BANK1: variants seen among roughly 807,000 people sequenced by gnomAD.
BANK1 encodes the protein B cell scaffold protein with ankyrin repeats 1.
A neutral mutation model predicts 94.5 loss-of-function variants in BANK1; 95 were observed. The ratio of observed to expected loss-of-function variants is 1.00; its 90% CI spans 0.85 to 1.19. The LOEUF is 1.19. Ranked by LOEUF, BANK1 falls within the 50% of genes most tolerant of loss-of-function variation. The probability of loss-of-function intolerance (pLI) is 0.00; values close to 1 mark genes in which losing one functional copy is unlikely to be tolerated. For synonymous variants in BANK1, 334 were observed against 308.4 expected (o/e 1.08, Z -0.87); for missense variants, 987 against 932.2 (o/e 1.06, Z -0.77).
chr4:101,939,574 G>C (rs1050919569), intron 7 of BANK1, among the ~76,000 whole-genome samples: 1 of 151,618 alleles, frequency 6.6e-6, no homozygotes, highest in Admixed American at 6.6e-5. Flanking sequence ...GGTTGAGAGA[G>C]ACATGGGCTT....
rs573921269 is a variant in BANK1 at position 101,802,930 on chromosome 4, T to C, written c.70+11980T>C. 4.6e-5 allele frequency among the ~76,000 whole-genome samples: 7 copies of C among 152,312 alleles called. No homozygotes were observed. In the South Asian group the frequency reaches 1.5e-3, roughly 32 times the overall value. On this transcript the variant is annotated intron_variant, in intron 1 of 16. Transcript: ENST00000322953. ...TGGCTTTATTCCTTTAGTACTCTGT[T>C]GCCCAAACCGTGTTCTGTAGCATAT...
intron 11 of BANK1, among the ~76,000 whole-genome samples, chr4:102,053,265 A>T (rs996020302): frequency 6.6e-6 from 1 of 152,174 alleles, no homozygotes; most frequent in Non-Finnish European, 1.5e-5. Context: ...AATAATGCAG[A>T]TTGAGTGGGC....
chr4:102,035,647 CA>C (rs10539905), intron 10 of BANK1, among the ~76,000 whole-genome samples: 4,908 of 124,928 alleles, frequency 0.039, 203 homozygotes, highest in African/African-American at 0.13. Context: ...GACTCCGTCT[CA>C]AAAAAAAAAA....
At chr4:101,958,634 A>G (rs977819018) in intron 7 of BANK1, among the ~76,000 whole-genome samples, 1 of 152,098 alleles carries the variant, frequency 6.6e-6, no homozygotes, top group African/African-American at 2.4e-5. Context: ...GGCAGTGATC[A>G]CTCTACTATG....
chr4:102,011,021 T>C (rs1362405843), intron 7 of BANK1, among the ~76,000 whole-genome samples: 1 of 152,228 alleles, frequency 6.6e-6, no homozygotes, highest in Non-Finnish European at 1.5e-5. Flanking sequence ...ACAAACTAAA[T>C]AGCATGAAAT....
chr4:101,884,105 A>G (rs1170325535), intron 5 of BANK1, among the ~76,000 whole-genome samples: 1 of 152,244 alleles, frequency 6.6e-6, no homozygotes, highest in East Asian at 1.9e-4. Context: ...AAATCATGAC[A>G]TGGGAAATAA....
chr4:101,826,998 G>C (rs562560402), intron 1 of BANK1, among the ~76,000 whole-genome samples: 7 of 151,980 alleles, frequency 4.6e-5, no homozygotes, highest in African/African-American at 1.4e-4. Flanking sequence ...TACATGCTCT[G>C]TTTTCAGAGG....
chr4:102,056,726 C>T (rs1221420910), intron 11 of BANK1, among the ~76,000 whole-genome samples: 1 of 152,118 alleles, frequency 6.6e-6, no homozygotes, highest in Non-Finnish European at 1.5e-5. Context: ...ACATCAAATA[C>T]CAGGTGTGGT....
intron 7 of BANK1, among the ~76,000 whole-genome samples, chr4:101,986,869 G>GTATATATA (rs1560668331): frequency 0.015 from 391 of 26,654 alleles, 5 homozygotes; most frequent in Middle Eastern, 0.032. Flanking sequence ...ATATATATGT[G>GTATATATA]TGTATGTGTG....
chr4:101,809,789 C>T (rs1201595700), intron 1 of BANK1, among the ~76,000 whole-genome samples: 1 of 152,170 alleles, frequency 6.6e-6, no homozygotes, highest in Middle Eastern at 3.2e-3. Flanking sequence ...CATTTTACTT[C>T]AAAAGGCTTT....
intron 2 of BANK1, among the ~76,000 whole-genome samples, chr4:101,837,761 G>A (rs1489235197): frequency 1.3e-5 from 2 of 152,030 alleles, no homozygotes; most frequent in Non-Finnish European, 2.9e-5. Context: ...ATTAGTCCTA[G>A]GCAGCAGACT....
At chr4:101,834,332 T>C (rs1726743897) in intron 2 of BANK1, among the ~76,000 whole-genome samples, 1 of 152,186 alleles carries the variant, frequency 6.6e-6, no homozygotes, top group African/African-American at 2.4e-5. Flanking sequence ...TTAGAGTAAC[T>C]TAGATGTGCC....
intron 1 of BANK1, among the ~76,000 whole-genome samples, chr4:101,799,411 G>A (rs1725274079): frequency 6.6e-6 from 1 of 152,228 alleles, no homozygotes; most frequent in East Asian, 1.9e-4. Flanking sequence ...CTCCAATTTT[G>A]TTCTTTTGGC....
At chr4:101,996,568 T>G (rs573971358) in intron 7 of BANK1, among the ~76,000 whole-genome samples, 1 of 152,332 alleles carries the variant, frequency 6.6e-6, no homozygotes, top group African/African-American at 2.4e-5. Flanking sequence ...GAGCATGGAA[T>G]GTTTTTCCAT....
chr4:101,847,412 T>C (rs1162511685), intron 2 of BANK1, among the ~76,000 whole-genome samples: 3 of 152,182 alleles, frequency 2.0e-5, no homozygotes, highest in Non-Finnish European at 2.9e-5. Flanking sequence ...CCATAAGTTA[T>C]TGGGGTGCAG....
At chr4:101,936,732 A>C (rs921876995) in intron 7 of BANK1, among the ~76,000 whole-genome samples, 1 of 151,668 alleles carries the variant, frequency 6.6e-6, no homozygotes, top group African/African-American at 2.4e-5. Flanking sequence ...ATCATTAGAA[A>C]AATGCAAATC....
At chr4:101,864,441 T>C (rs1578364935) in intron 4 of BANK1, among the ~76,000 whole-genome samples, 2 of 152,296 alleles carry the variant, frequency 1.3e-5, no homozygotes, top group East Asian at 1.9e-4. Flanking sequence ...GTTTTACAAG[T>C]AATATTTAGA....
rs1026325887 is a variant in BANK1 at position 101,801,197 on chromosome 4, A to G, written c.70+10247A>G. ...GTGCTGTAAATGTAAAATGCACACC[A>G]GTTTTCAAAGACTGAGCACAAAAAA... On this transcript the variant is annotated intron_variant, in intron 1 of 16. Coordinates refer to ENST00000322953, the MANE Select transcript of BANK1 (RefSeq NM_017935.5). Among the ~76,000 whole-genome samples the G allele has an allele frequency of 8.5e-5, 13 of 152,226 alleles. No homozygotes were observed. The East Asian group carries it at 2.5e-3, about 29-fold the overall frequency.
At chr4:101,837,935 T>C (rs935119003) in intron 2 of BANK1, among the ~76,000 whole-genome samples, 5 of 141,052 alleles carry the variant, frequency 3.5e-5, no homozygotes, top group African/African-American at 1.3e-4. Flanking sequence ...CCCTCTTCTC[T>C]CTCCCTCTCC....
Sources: allele counts gnomAD v4.1 joint callset (sites outside exome capture counted in the v4.1 genomes callset), GRCh38; gene constraint gnomAD v4.1.1; transcripts MANE v1.5; gene names NCBI Gene and HGNC (gene_info 2026-07-23, HGNC 2026-07-21).